Variants in RNMT observed in about 807,000 individuals in gnomAD.
The protein encoded by RNMT is mRNA cap guanine-N(7) methyltransferase.
Under a neutral mutation model 56.0 loss-of-function variants are expected in RNMT, and 27 were observed. The observed-to-expected ratio is 0.48, with a 90% CI of 0.36 to 0.67. The LOEUF (loss-of-function observed/expected upper bound fraction) is 0.67. Ranked by LOEUF, RNMT falls within the 30% of genes least tolerant of loss-of-function variation. RNMT has a pLI of 0.00. For synonymous variants in RNMT, 184 were observed against 176.2 expected, an observed-to-expected ratio of 1.04 and a Z score of -0.35; for missense variants, 519 against 552.1, an observed-to-expected ratio of 0.94 and a Z score of 0.60.
intron 11 of RNMT, among the ~76,000 whole-genome samples, chr18:13,758,464 A>G (rs1380360335): frequency 1.3e-5 from 2 of 152,174 alleles, no homozygotes; most frequent in Non-Finnish European, 2.9e-5. Flanking sequence ...GCACTTTTAC[A>G]TTATGAAGGT....
Position 13,760,167 on chromosome 18 carries a change from A to G in RNMT, c.*188A>G. The G allele has an allele frequency of 1.5e-6, 2 of 1,320,108 alleles. No individual in the cohort carries two copies. The highest frequency in any genetic ancestry group is 2.3e-5 in the South Asian group (1 of 43,328). 81.8% of individuals were successfully genotyped at this position (1,320,108 alleles called of 1,614,324 possible). ...CAGATGAACTTTTGCATGTGTATAT[A>G]AGAATGAGTTGGGACCTCTGTCTTT... is the stretch of plus-strand genomic sequence containing the variant. On this transcript the variant is annotated 3_prime_UTR_variant, in exon 12 of 12. Coordinates refer to ENST00000383314, the MANE Select transcript of RNMT (RefSeq NM_003799.3).
At position 13,760,389 on chromosome 18, in the gene RNMT, A is replaced by G. The variant is rs192030639; in HGVS notation, c.*410A>G. ...GCATTTTCATAGTGTGCTCATTTCTATGGTTTTGTTATATAGCATTTTTCA... is the reference window on the plus strand; with the variant it reads ...GCATTTTCATAGTGTGCTCATTTCTGTGGTTTTGTTATATAGCATTTTTCA... On this transcript the variant is annotated 3_prime_UTR_variant, in exon 12 of 12. Transcript: ENST00000383314. The G allele has an allele frequency of 7.4e-5, 73 of 992,504 alleles. No homozygotes were observed. Among genetic ancestry groups the G allele is most frequent in the East Asian group, 5.4e-4 (5 of 9,274 alleles). 61.5% of individuals were successfully genotyped at this position (992,504 alleles called of 1,614,324 possible).
In RNMT at chr18:13,762,767, T is replaced by C. The variant is rs906836221; in HGVS notation, c.*2788T>C. On this transcript the variant is annotated 3_prime_UTR_variant, in exon 12 of 12. Transcript: ENST00000383314. ...TGAGATGGCCAGGTATCCAGTTTTG[T>C]TAACTCTCTTTGGGAATTTCTTTTT... The C allele has an allele frequency of 1.8e-5, 5 of 277,004 alleles. No individual in the cohort carries two copies. The highest frequency in any genetic ancestry group is 1.1e-4 in the African/African-American group (5 of 45,710). 17.2% of individuals were successfully genotyped at this position (277,004 alleles called of 1,614,324 possible). A position where few individuals can be genotyped will look rare whatever the true frequency, so the allele number is the denominator to read the frequency against.
intron 3 of RNMT, among the ~76,000 whole-genome samples, chr18:13,732,628 ATTACT>A (rs757741538): frequency 3.3e-5 from 5 of 152,202 alleles, no homozygotes; most frequent in South Asian, 2.1e-4. Context: ...AGAGGAAAAG[ATTACT>A]TTAATGAGTA....
intron 5 of RNMT, among the ~76,000 whole-genome samples, chr18:13,739,614 C>T (rs1401679236): frequency 6.6e-6 from 1 of 152,046 alleles, no homozygotes; most frequent in African/African-American, 2.4e-5. Flanking sequence ...GAAACCCCAT[C>T]CTCTACCAAA....
intron 4 of RNMT, among the ~76,000 whole-genome samples, chr18:13,736,750 A>G (rs2044163664): frequency 6.6e-6 from 1 of 152,226 alleles, no homozygotes; most frequent in Non-Finnish European, 1.5e-5. Flanking sequence ...TTTAAAATTC[A>G]TTTTTGAAAG....
At chr18:13,737,224 G>T in intron 5 of RNMT, 89 bp downstream of exon 5, 1 of 1,192,728 alleles carries the variant, frequency 8.4e-7, no homozygotes, top group Non-Finnish European at 1.2e-6. Flanking sequence ...AGATATCTGG[G>T]ACTATGCATG....
At chr18:13,732,381 T>C (rs1372936021) in intron 3 of RNMT, among the ~76,000 whole-genome samples, 1 of 152,192 alleles carries the variant, frequency 6.6e-6, no homozygotes, top group African/African-American at 2.4e-5. Context: ...TGTTCAGCTC[T>C]AGTTTTTTTG....
At chr18:13,740,014 C>A (rs193086981) in intron 5 of RNMT, among the ~76,000 whole-genome samples, 153 bp from the exon 6 acceptor site, 1 of 152,112 alleles carries the variant, frequency 6.6e-6, no homozygotes, top group African/African-American at 2.4e-5. Flanking sequence ...GTATTTGCGT[C>A]GGAACAAAGC....
chr18:13,742,493 G>A lies in RNMT; in HGVS notation c.980G>A (p.Arg327His), dbSNP rs760230752. 3 of 1,611,892 alleles carry A rather than the reference G, an allele frequency of 1.9e-6. No individual in the cohort carries two copies. The highest frequency in any genetic ancestry group is 1.7e-4 in the Middle Eastern group (1 of 6,046). ...TTGGGGGATAACCTTGATAGAAGAC[G>A]CCTTGAAGCTTCAGAAACAGAATCA... is the stretch of plus-strand genomic sequence containing the variant. The part of the protein sequence containing the change: ...TTPNSFELIR[R>H]LEASETESFG... Residue 327 changes from arginine to histidine, a missense_variant, in exon 8 of 12, where the codon CGC becomes CAC. Arg to His is a conservative substitution (Grantham distance 29, BLOSUM62 0). Transcript: ENST00000383314.
intron 9 of RNMT, among the ~76,000 whole-genome samples, chr18:13,749,811 A>G (rs1452371816): frequency 2.1e-5 from 3 of 139,736 alleles, no homozygotes; most frequent in African/African-American, 7.8e-5. Context: ...GCACACTGCA[A>G]CCCCTTCCCC....
At chr18:13,744,969 T>G (rs4796997) in intron 8 of RNMT, among the ~76,000 whole-genome samples, 135,516 of 152,222 alleles carry the variant, frequency 0.89, 60,398 homozygotes, top group East Asian at 0.97. Context: ...CTGTAAAGAA[T>G]CGATGTTTGA....
chr18:13,734,797 A>G (rs1052781337), intron 4 of RNMT, among the ~76,000 whole-genome samples, 198 bp downstream of exon 4: 4 of 152,152 alleles, frequency 2.6e-5, no homozygotes, highest in African/African-American at 9.7e-5. Context: ...ATTTTTTTTA[A>G]TGCACAGAAT....
rs2044637489 is a variant in RNMT at position 13,762,896 on chromosome 18, T to C, written c.*2917T>C. 8.5e-6 allele frequency: 3 copies of C among 353,412 alleles called. No homozygotes were observed. The highest frequency in any genetic ancestry group is 1.7e-5 in the Non-Finnish European group (3 of 177,706). The allele number at this position is 353,412 out of a possible 1,614,324, so 21.9% of individuals were successfully genotyped here. ...GTTTGGCTACTTGTATAGGTCTGCC[T>C]GCAGGGTGAAAATGCCAGTGTGAAT... On this transcript the variant is annotated 3_prime_UTR_variant, in exon 12 of 12. Coordinates refer to ENST00000383314, the MANE Select transcript of RNMT (RefSeq NM_003799.3).
At chr18:13,741,446 C>T in intron 6 of RNMT, 64 bp from the exon 7 acceptor site, 1 of 1,147,894 alleles carries the variant, frequency 8.7e-7, no homozygotes, top group Non-Finnish European at 1.3e-6. Flanking sequence ...AGTTAATTTA[C>T]TAAAAAGTTT....
chr18:13,746,268 G>T lies in RNMT; in HGVS notation c.1188G>T (p.Leu396=). 6.3e-7 allele frequency: 1 copy of T among 1,576,724 alleles called. No homozygotes were observed. Among genetic ancestry groups the T allele is most frequent in the Non-Finnish European group, 8.7e-7 (1 of 1,154,208 alleles). Residue 396 remains leucine (L), a synonymous_variant, in exon 9 of 12, where the codon CTG becomes CTT. Transcript: ENST00000383314. ...AACTAGTCTACAAAAAAACATTTCT[G>T]GAATTCTACGAAGAAAAGATTAAGA... ...NMKLVYKKTF[L]EFYEEKIKNN...
In RNMT at chr18:13,762,152, A is replaced by T. The variant is rs1469640391; in HGVS notation, c.*2173A>T. 6.5e-7 allele frequency: 1 copy of T among 1,532,082 alleles called. No individual in the cohort carries two copies. Among genetic ancestry groups the T allele is most frequent in the South Asian group, 1.2e-5 (1 of 83,378 alleles). 94.9% of individuals were successfully genotyped at this position (1,532,082 alleles called of 1,614,324 possible). A position where few individuals can be genotyped will look rare whatever the true frequency, so the allele number is the denominator to read the frequency against. ...CACTCCCAGACCTGCCATGCAGTTT[A>T]TCCTCTGAGAATGGAATTGGAAATG... is the stretch of plus-strand genomic sequence containing the variant. On this transcript the variant is annotated 3_prime_UTR_variant, in exon 12 of 12. Coordinates refer to ENST00000383314, the MANE Select transcript of RNMT (RefSeq NM_003799.3).
intron 5 of RNMT, among the ~76,000 whole-genome samples, chr18:13,738,439 A>G (rs1410054789): frequency 6.6e-6 from 1 of 152,228 alleles, no homozygotes; most frequent in Non-Finnish European, 1.5e-5. Context: ...ATAAAGAAGT[A>G]TTTTAATAGC....
At chr18:13,759,794 A>AT in intron 11 of RNMT, 148 bp from the exon 12 acceptor site, 1 of 631,470 alleles carries the variant, frequency 1.6e-6, no homozygotes, top group South Asian at 2.0e-5. Context: ...TGATTCAAAT[A>AT]ATAGAGGAAC....
Sources: gnomAD v4.1 joint callset for allele counts (sites outside exome capture counted in the v4.1 genomes callset) on GRCh38, gnomAD v4.1.1 for gene constraint, MANE v1.5 for transcripts, NCBI Gene and HGNC (gene_info 2026-07-23, HGNC 2026-07-21) for gene names.